The following SLC39A11 variants were observed in gnomAD, a reference collection of about 807,000 sequenced individuals.
SLC39A11 encodes solute carrier family 39 member 11.
A neutral mutation model predicts 36.1 loss-of-function variants in SLC39A11; 33 were observed. That is an observed-to-expected ratio of 0.91 (90% CI 0.69 to 1.22). The LOEUF (loss-of-function observed/expected upper bound fraction) is 1.22, where lower values mean the gene tolerates loss of function less well. SLC39A11 is among the 50% of genes most tolerant of loss of function. SLC39A11 has a pLI of 0.00. For missense variants in SLC39A11, 432 were observed against 430.3 expected, an observed-to-expected ratio of 1.00 and a Z score of -0.03; for synonymous variants, 166 against 170.3, an observed-to-expected ratio of 0.97 and a Z score of 0.20.
chr17:72,701,116 G>C (rs1338951608), intron 7 of SLC39A11, among the ~76,000 whole-genome samples: 4 of 152,256 alleles, frequency 2.6e-5, no homozygotes, highest in Admixed American at 1.3e-4. Flanking sequence ...CCCAGTGGCA[G>C]AGCTGGGAAA....
intron 6 of SLC39A11, among the ~76,000 whole-genome samples, chr17:72,787,595 C>T (rs2714011): frequency 0.66 from 99,670 of 152,052 alleles, 33,539 homozygotes; most frequent in Middle Eastern, 0.76. Context: ...TCTTAAATTA[C>T]TGGGGTTCTA....
chr17:72,735,527 T>C (rs1231244661), intron 7 of SLC39A11, among the ~76,000 whole-genome samples: 1 of 152,068 alleles, frequency 6.6e-6, no homozygotes, highest in Non-Finnish European at 1.5e-5. Flanking sequence ...GCTCCAAGAG[T>C]GATAAACCAG....
At chr17:72,840,500 T>C (rs2078754367) in intron 6 of SLC39A11, among the ~76,000 whole-genome samples, 1 of 152,230 alleles carries the variant, frequency 6.6e-6, no homozygotes, top group African/African-American at 2.4e-5. Flanking sequence ...GGCTCACACC[T>C]GTAATCCCAG....
rs528454895 is a variant in SLC39A11, at chr17:72,712,204, A to T, written c.671+24446T>A. Among the ~76,000 whole-genome samples, 5 of 152,354 alleles carry T rather than the reference A, an allele frequency of 3.3e-5. No homozygotes were observed. The East Asian group carries it at 9.6e-4, about 29-fold the overall frequency. On this transcript the variant is annotated intron_variant, in intron 7 of 9. Coordinates refer to ENST00000255559, the MANE Select transcript of SLC39A11 (RefSeq NM_139177.4). ...AGAAAGGACTGGGTCTTCAAGAAGG[A>T]AGACAGACAGGGGACAGGCTCCAAA... is the stretch of plus-strand genomic sequence containing the variant.
intron 6 of SLC39A11, among the ~76,000 whole-genome samples, chr17:72,772,693 A>G (rs1165037303): frequency 2.0e-5 from 3 of 152,230 alleles, no homozygotes; most frequent in Non-Finnish European, 4.4e-5. Context: ...CAAACACAGC[A>G]GATGTGTGAT....
intron 5 of SLC39A11, among the ~76,000 whole-genome samples, chr17:72,941,832 C>T (rs539134767): frequency 1.3e-5 from 2 of 151,770 alleles, no homozygotes; most frequent in East Asian, 3.9e-4. Flanking sequence ...TATTTTTGTG[C>T]GGCACATTTT....
intron 7 of SLC39A11, among the ~76,000 whole-genome samples, chr17:72,658,616 G>C (rs1244246138): frequency 6.6e-6 from 1 of 152,176 alleles, no homozygotes; most frequent in East Asian, 1.9e-4. Flanking sequence ...TGTTAAGATT[G>C]TTAAGGTAGA....
intron 5 of SLC39A11, among the ~76,000 whole-genome samples, chr17:72,868,618 C>CAAAAAAAAAAAAAAAAA (rs71354894): frequency 3.5e-5 from 2 of 56,476 alleles, no homozygotes; most frequent in African/African-American, 6.7e-5. Flanking sequence ...CCTGTCTCTA[C>CAAAAAAAAAAAAAAAAA]AAAAAAAAAA....
At position 72,799,050 on chromosome 17, in the gene SLC39A11, C is replaced by T. The variant is rs367973600; in HGVS notation, c.601+50584G>A. On this transcript the variant is annotated intron_variant, in intron 6 of 9. Coordinates refer to ENST00000255559, the MANE Select transcript of SLC39A11 (RefSeq NM_139177.4). The stretch of plus-strand genomic sequence containing the variant: ...CAAGGTTTTGACTTGTGCACTTGGA[C>T]GTGAGTGTGTGTGTCTGTGAGTGTG... Among the ~76,000 whole-genome samples the T allele has an allele frequency of 5.3e-5, 8 of 151,244 alleles. No homozygotes were observed. The East Asian group carries it at 1.2e-3, about 22-fold the overall frequency.
intron 7 of SLC39A11, among the ~76,000 whole-genome samples, chr17:72,683,177 T>C (rs2071580575): frequency 6.6e-6 from 1 of 152,116 alleles, no homozygotes; most frequent in Admixed American, 6.6e-5. Context: ...CACTCAGACT[T>C]TCCCATGTAG....
At chr17:72,707,216 A>G (rs1251053654) in intron 7 of SLC39A11, among the ~76,000 whole-genome samples, 1 of 152,140 alleles carries the variant, frequency 6.6e-6, no homozygotes, top group Non-Finnish European at 1.5e-5. Context: ...CCTGGGCAAC[A>G]TAGGAAGACC....
chr17:72,656,177 G>A (rs1014029762), intron 7 of SLC39A11, among the ~76,000 whole-genome samples: 4 of 152,140 alleles, frequency 2.6e-5, no homozygotes, highest in Non-Finnish European at 4.4e-5. Flanking sequence ...CAAAAGCCAC[G>A]GGGAAAATAC....
chr17:72,901,888 G>C (rs975669588), intron 5 of SLC39A11, among the ~76,000 whole-genome samples: 3 of 152,156 alleles, frequency 2.0e-5, no homozygotes, highest in African/African-American at 4.8e-5. Flanking sequence ...GGCCTCCCTG[G>C]GGAACAGGAA....
chr17:73,004,158 GGAAA>G (rs1183262740), intron 4 of SLC39A11, among the ~76,000 whole-genome samples: 1 of 74,894 alleles, frequency 1.3e-5, no homozygotes, highest in East Asian at 4.6e-4. Flanking sequence ...AAAGAAAGAA[GGAAA>G]AAAAGAAAGA....
intron 4 of SLC39A11, among the ~76,000 whole-genome samples, chr17:72,978,413 C>T (rs527545964): frequency 9.9e-5 from 15 of 152,230 alleles, no homozygotes; most frequent in South Asian, 2.1e-4. Flanking sequence ...AATATACAAA[C>T]GAACAAACTG....
At chr17:72,980,858 T>C (rs563409361) in intron 4 of SLC39A11, among the ~76,000 whole-genome samples, 88 of 152,188 alleles carry the variant, frequency 5.8e-4, no homozygotes, top group Non-Finnish European at 1.1e-3. Context: ...ACCCCGTCTC[T>C]ACTAAAAATA....
chr17:73,089,396 C>T (rs1394311602), intron 1 of SLC39A11, among the ~76,000 whole-genome samples: 2 of 152,186 alleles, frequency 1.3e-5, no homozygotes, highest in Admixed American at 6.5e-5. Flanking sequence ...TCCACAAGCC[C>T]CAGACAATCC....
intron 7 of SLC39A11, among the ~76,000 whole-genome samples, chr17:72,654,726 A>G (rs1598232236): frequency 6.6e-6 from 1 of 152,322 alleles, no homozygotes. Context: ...GGGCTTTGCC[A>G]GGCACTTGGT....
intron 6 of SLC39A11, among the ~76,000 whole-genome samples, chr17:72,753,881 T>G (rs1598582776): frequency 1.1e-5 from 1 of 87,672 alleles, no homozygotes; most frequent in Non-Finnish European, 2.0e-5. Flanking sequence ...ATAGGAAAAG[T>G]CATTATACAA....
Sources: gnomAD v4.1 joint callset for allele counts (sites outside exome capture counted in the v4.1 genomes callset) on GRCh38, gnomAD v4.1.1 for gene constraint, MANE v1.5 for transcripts, NCBI Gene and HGNC (gene_info 2026-07-23, HGNC 2026-07-21) for gene names.